Variants in PRKCE observed in about 807,000 individuals in gnomAD.
PRKCE encodes protein kinase C epsilon, also known as protein kinase C epsilon type.
In PRKCE, 16 loss-of-function variants were observed where a neutral mutation model predicts 85.4. The ratio of observed to expected loss-of-function variants is 0.19; its 90% CI spans 0.13 to 0.28. The LOEUF (loss-of-function observed/expected upper bound fraction) is 0.28. Among genes scored for constraint, PRKCE ranks in the 10% least tolerant of loss-of-function variants. The pLI is 1.00. For synonymous variants in PRKCE, 388 were observed against 371.5 expected (o/e 1.04, Z -0.51); for missense variants, 573 against 975.2 (o/e 0.59, Z 5.49).
At chr2:46,011,829 G>C (rs61758298) in intron 10 of PRKCE, among the ~76,000 whole-genome samples, 50 of 152,210 alleles carry the variant, frequency 3.3e-4, no homozygotes, top group African/African-American at 1.2e-3. Flanking sequence ...GAGGAACCCT[G>C]ATCCAGTGGA....
chr2:46,118,084 A>G (rs897637881), intron 11 of PRKCE, among the ~76,000 whole-genome samples: 2 of 152,236 alleles, frequency 1.3e-5, no homozygotes, highest in African/African-American at 4.8e-5. Flanking sequence ...ATAAGAAAAA[A>G]TGTTGACCAA....
intron 6 of PRKCE, among the ~76,000 whole-genome samples, chr2:45,988,653 A>C (rs561798082): frequency 6.6e-5 from 10 of 152,190 alleles, no homozygotes; most frequent in African/African-American, 2.4e-4. Flanking sequence ...AAAATAGTTC[A>C]TTTCTTTCTT....
chr2:46,023,841 A>T (rs1706883101), intron 10 of PRKCE, among the ~76,000 whole-genome samples: 1 of 152,104 alleles, frequency 6.6e-6, no homozygotes, highest in Non-Finnish European at 1.5e-5. Flanking sequence ...GCCAGTCACC[A>T]CCTTCAATTT....
At chr2:45,730,366 C>G (rs575986331) in intron 1 of PRKCE, among the ~76,000 whole-genome samples, 1 of 152,022 alleles carries the variant, frequency 6.6e-6, no homozygotes, top group African/African-American at 2.4e-5. Flanking sequence ...CTGTGTTGCC[C>G]AGGCTGGTCT....
At chr2:45,877,908 G>A (rs993795422) in intron 2 of PRKCE, among the ~76,000 whole-genome samples, 1 of 152,198 alleles carries the variant, frequency 6.6e-6, no homozygotes, top group Non-Finnish European at 1.5e-5. Flanking sequence ...CAAAGAACAG[G>A]AACTTCACCG....
chr2:46,156,700 T>C (rs948170202), intron 13 of PRKCE, among the ~76,000 whole-genome samples: 2 of 152,268 alleles, frequency 1.3e-5, no homozygotes, highest in Non-Finnish European at 1.5e-5. Context: ...AGGGGGACTC[T>C]GTTGTCCAAC....
At chr2:46,153,781 C>CTTTTTTTTT (rs70937993) in intron 13 of PRKCE, among the ~76,000 whole-genome samples, 1 of 75,960 alleles carries the variant, frequency 1.3e-5, no homozygotes, top group African/African-American at 4.5e-5. Context: ...TCTTCTTCTT[C>CTTTTTTTTT]TTTTTTTTTT....
chr2:46,139,163 T>C lies in PRKCE; in HGVS notation c.1593-5930T>C, dbSNP rs944149461. 1.1e-4 allele frequency among the ~76,000 whole-genome samples: 17 copies of C among 152,212 alleles called. No homozygotes were observed. Among genetic ancestry groups the C allele is most frequent in the African/African-American group, 4.1e-4 (17 of 41,446 alleles). On this transcript the variant is annotated intron_variant, in intron 11 of 14. Transcript: ENST00000306156. This position sits in a 1 kb window ranked among gnomAD's most constrained non-coding sequence, Gnocchi z 5.2. ...CTATCACCATTATTACTTAGCATTG[T>C]TCTTGAGGTTGCAGTCAACACAATC...
At chr2:45,997,616 G>A (rs960215454) in intron 6 of PRKCE, among the ~76,000 whole-genome samples, 4 of 151,336 alleles carry the variant, frequency 2.6e-5, no homozygotes, top group Non-Finnish European at 4.4e-5. Flanking sequence ...GTATGATCTC[G>A]GCTCACTACA....
At chr2:45,829,786 A>T (rs374775766) in intron 1 of PRKCE, among the ~76,000 whole-genome samples, 30 of 152,196 alleles carry the variant, frequency 2.0e-4, no homozygotes, top group African/African-American at 6.8e-4. Context: ...AAAAATTGGA[A>T]GGCTCGGCCG....
intron 2 of PRKCE, among the ~76,000 whole-genome samples, chr2:45,969,399 A>G (rs562100827): frequency 2.0e-5 from 3 of 152,344 alleles, no homozygotes; most frequent in Admixed American, 2.0e-4. Context: ...ATGTTGCCTC[A>G]GAGGTCACGG....
At chr2:45,726,417 A>G (rs1681075831) in intron 1 of PRKCE, among the ~76,000 whole-genome samples, 1 of 152,240 alleles carries the variant, frequency 6.6e-6, no homozygotes, top group African/African-American at 2.4e-5. Flanking sequence ...TACCCTGATC[A>G]GTCAGCAGCT....
chr2:45,951,116 C>T (rs900359814), intron 2 of PRKCE, among the ~76,000 whole-genome samples: 1 of 152,178 alleles, frequency 6.6e-6, no homozygotes, highest in Non-Finnish European at 1.5e-5. Flanking sequence ...TCGTGTTATC[C>T]GGTGCTGCTC....
intron 2 of PRKCE, among the ~76,000 whole-genome samples, chr2:45,936,418 A>G (rs1033952590): frequency 4.6e-5 from 7 of 152,196 alleles, no homozygotes; most frequent in African/African-American, 1.2e-4. Flanking sequence ...CTCAAGGACA[A>G]TCTGCCTAAG....
intron 2 of PRKCE, among the ~76,000 whole-genome samples, chr2:45,957,797 G>T (rs765680348): frequency 6.6e-6 from 1 of 151,928 alleles, no homozygotes; most frequent in Non-Finnish European, 1.5e-5. Flanking sequence ...CTGTAGCCCC[G>T]CATACTTGGG....
chr2:45,792,572 C>A (rs952445986), intron 1 of PRKCE, among the ~76,000 whole-genome samples: 10 of 152,120 alleles, frequency 6.6e-5, no homozygotes, highest in African/African-American at 2.4e-4. Flanking sequence ...CCGAGGGTGG[C>A]TTCTGCTGCC....
At chr2:45,973,918 T>C (rs1413329716) in intron 2 of PRKCE, among the ~76,000 whole-genome samples, 2 of 152,174 alleles carry the variant, frequency 1.3e-5, no homozygotes, top group Non-Finnish European at 2.9e-5. Context: ...ATTTGAGAGA[T>C]TTGTAAATCA....
At chr2:45,700,874 A>G (rs1292230509) in intron 1 of PRKCE, among the ~76,000 whole-genome samples, 1 of 151,788 alleles carries the variant, frequency 6.6e-6, no homozygotes, top group African/African-American at 2.4e-5. Flanking sequence ...GTGAGGACAG[A>G]CACAGAGATA....
chr2:45,652,770 G>T lies in PRKCE; in HGVS notation c.348+322G>T, dbSNP rs1675185835. The stretch of plus-strand genomic sequence containing the variant: ...TTGGCCGAGGACCCGGCTTTCTTCC[G>T]CAGGCGCGTGGTGGGCTGGCTGTGT... On this transcript the variant is annotated intron_variant, in intron 1 of 14. Transcript: ENST00000306156. The surrounding 1 kb of genome is among the most constrained non-coding windows in gnomAD (Gnocchi z 7.7). 6.6e-6 allele frequency among the ~76,000 whole-genome samples: 1 copy of T among 152,212 alleles called. No homozygotes were observed. The highest frequency in any genetic ancestry group is 6.5e-5 in the Admixed American group (1 of 15,282).
Sources: gnomAD v4.1 joint callset for allele counts (sites outside exome capture counted in the v4.1 genomes callset) on GRCh38, gnomAD v4.1.1 for gene constraint, Gnocchi (gnomAD v3.1) non-coding constraint, MANE v1.5 for transcripts, NCBI Gene and HGNC (gene_info 2026-07-23, HGNC 2026-07-21) for gene names.